Variants in UNC5D observed in about 807,000 individuals in gnomAD.
UNC5D encodes netrin receptor UNC5D.
In UNC5D, 39 loss-of-function variants were observed where a neutral mutation model predicts 105.4. The observed-to-expected ratio is 0.37, with a 90% CI of 0.29 to 0.48. The LOEUF (loss-of-function observed/expected upper bound fraction) is 0.48, where lower values mean the gene tolerates loss of function less well. UNC5D is among the 20% of genes least tolerant of loss of function. The pLI is 0.98. For synonymous variants in UNC5D, 452 were observed against 450.4 expected (o/e 1.00, Z -0.04); for missense variants, 991 against 1,202.4 (o/e 0.82, Z 2.60).
chr8:35,380,198 GGAGAGA>G lies in UNC5D; in HGVS notation c.103+144329_103+144334del, dbSNP rs35266582. Among the ~76,000 whole-genome samples, 527 of 135,236 alleles carry G rather than the reference GGAGAGA, an allele frequency of 3.9e-3. 6 individuals carry two copies. The highest frequency in any genetic ancestry group is 3.7e-3 in the Non-Finnish European group (232 of 62,014). 88.7% of individuals were successfully genotyped at this position (135,236 alleles called of 152,430 possible). A position where few individuals can be genotyped will look rare whatever the true frequency, so the allele number is the denominator to read the frequency against. On this transcript the variant is annotated intron_variant, in intron 1 of 16. Coordinates refer to ENST00000404895, the MANE Select transcript of UNC5D (RefSeq NM_080872.4). ...AAGACGGAGAGACAGAGACCGAGAG[GGAGAGA>G]GAGAGAGAGAGAGAGAGGGAGAGAG...
intron 12 of UNC5D, among the ~76,000 whole-genome samples, chr8:35,749,200 G>T (rs940322805): frequency 1.3e-5 from 2 of 152,136 alleles, no homozygotes; most frequent in African/African-American, 4.8e-5. Context: ...ATTATTATCA[G>T]TGTCTATTTC....
At chr8:35,736,476 C>T (rs909200116) in intron 11 of UNC5D, among the ~76,000 whole-genome samples, 2 of 152,148 alleles carry the variant, frequency 1.3e-5, no homozygotes, top group Non-Finnish European at 2.9e-5. Flanking sequence ...CTTCAAGGGA[C>T]CCTGCTACTA....
chr8:35,687,947 G>A (rs1006894641), intron 7 of UNC5D, among the ~76,000 whole-genome samples: 1 of 151,886 alleles, frequency 6.6e-6, no homozygotes, highest in Non-Finnish European at 1.5e-5. Flanking sequence ...TGGCTAAAAC[G>A]GTGAAACCCC....
intron 4 of UNC5D, among the ~76,000 whole-genome samples, chr8:35,610,073 C>T (rs1820571878): frequency 1.3e-5 from 2 of 151,882 alleles, no homozygotes; most frequent in South Asian, 2.1e-4. Context: ...TCTCGTGTAC[C>T]TACCAGGTAC....
chr8:35,718,399 AT>A (rs902299577), intron 8 of UNC5D, among the ~76,000 whole-genome samples: 3 of 152,200 alleles, frequency 2.0e-5, no homozygotes, highest in African/African-American at 7.2e-5. Flanking sequence ...GTATAAACGT[AT>A]GTGTAAATGT....
chr8:35,683,435 G>T, intron 4 of UNC5D, 112 bp from the exon 5 acceptor site: 2 of 1,069,756 alleles, frequency 1.9e-6, no homozygotes, highest in Non-Finnish European at 1.3e-6. Flanking sequence ...CATTGCTGTT[G>T]CTCTATATTT....
intron 1 of UNC5D, among the ~76,000 whole-genome samples, chr8:35,409,306 A>C (rs1324724493): frequency 6.6e-6 from 1 of 151,312 alleles, no homozygotes; most frequent in African/African-American, 2.4e-5. Context: ...AAATTTAGCA[A>C]CTCTCTCCCA....
intron 1 of UNC5D, among the ~76,000 whole-genome samples, chr8:35,443,211 A>C (rs1807554284): frequency 6.6e-6 from 1 of 151,790 alleles, no homozygotes; most frequent in Non-Finnish European, 1.5e-5. Flanking sequence ...ACCAAGAAGG[A>C]TATTCTGAGA....
chr8:35,795,939 C>G lies in UNC5D; in HGVS notation c.*5376C>G, dbSNP rs934400036. On this transcript the variant is annotated 3_prime_UTR_variant, in exon 17 of 17. Transcript: ENST00000404895. ...AAGGAAAACTGGCTCATTCTTCTGA[C>G]CCAAACTCAAAAAATATGAGTACTT... 6.6e-6 allele frequency: 1 copy of G among 152,098 alleles called. No individual in the cohort carries two copies. The highest frequency in any genetic ancestry group is 1.5e-5 in the Non-Finnish European group (1 of 68,026). The allele number at this position is 152,098 out of a possible 1,614,324, so 9.4% of individuals were successfully genotyped here. A position where few individuals can be genotyped will look rare whatever the true frequency, so the allele number is the denominator to read the frequency against.
chr8:35,622,943 G>A (rs759363522), intron 4 of UNC5D, among the ~76,000 whole-genome samples: 17 of 152,200 alleles, frequency 1.1e-4, no homozygotes, highest in Admixed American at 2.6e-4. Context: ...TGTAGCTACC[G>A]TTGAACTCAT....
chr8:35,267,223 G>A (rs940922684), intron 1 of UNC5D, among the ~76,000 whole-genome samples: 4 of 151,902 alleles, frequency 2.6e-5, no homozygotes, highest in Non-Finnish European at 5.9e-5. Context: ...TTTTTCCAGG[G>A]TAAGTTTAAT....
intron 1 of UNC5D, among the ~76,000 whole-genome samples, chr8:35,395,404 A>G (rs183198025): frequency 4.5e-4 from 68 of 152,374 alleles, no homozygotes; most frequent in African/African-American, 1.6e-3. Flanking sequence ...TAAAGAGAAC[A>G]CCATTTGAGC....
intron 7 of UNC5D, among the ~76,000 whole-genome samples, chr8:35,699,129 A>G (rs1269758733): frequency 6.6e-6 from 1 of 152,162 alleles, no homozygotes; most frequent in Non-Finnish European, 1.5e-5. Flanking sequence ...ACTAACACAC[A>G]TGGAATCAGT....
chr8:35,595,655 G>C lies in UNC5D; in HGVS notation c.568G>C (p.Glu190Gln). 6.2e-7 allele frequency: 1 copy of C among 1,613,930 alleles called. No homozygotes were observed. The highest frequency in any genetic ancestry group is 8.5e-7 in the Non-Finnish European group (1 of 1,179,904). Residue 190 changes from glutamate to glutamine, a missense_variant and splice_region_variant, in exon 4 of 17, where the codon GAG (glutamate) becomes CAG (glutamine). Coordinates refer to ENST00000404895, the MANE Select transcript of UNC5D (RefSeq NM_080872.4). ...CCCACCAGAGGGAGTCCCTGCTGCC[G>C]AGGTAAGACAGGATCCTGGGACCAG... ...CRPPEGVPAAEVEWLKNEEPI... is the reference protein window; with the variant it reads ...CRPPEGVPAAQVEWLKNEEPI...
chr8:35,253,473 C>CTGTTTTTTTTTT (rs1803850267), intron 1 of UNC5D, among the ~76,000 whole-genome samples: 1 of 99,824 alleles, frequency 1.0e-5, no homozygotes, highest in Non-Finnish European at 1.8e-5. Flanking sequence ...ATTTTATTTC[C>CTGTTTTTTTTTT]TTTTTTTTTT....
chr8:35,532,780 G>A (rs201363179), intron 1 of UNC5D, among the ~76,000 whole-genome samples: 16 of 96,520 alleles, frequency 1.7e-4, no homozygotes, highest in Admixed American at 4.7e-4. Flanking sequence ...TTCCCTTCTC[G>A]CTTCATTTCA....
chr8:35,723,878 CAATT>C (rs1281480175), intron 9 of UNC5D, among the ~76,000 whole-genome samples: 1 of 152,006 alleles, frequency 6.6e-6, no homozygotes, highest in Non-Finnish European at 1.5e-5. Context: ...AAACTGCTAT[CAATT>C]AGTCTGTTAT....
intron 13 of UNC5D, 34 bp downstream of exon 13, chr8:35,750,843 T>C (rs1830247671): frequency 6.2e-7 from 1 of 1,609,842 alleles, no homozygotes; most frequent in Non-Finnish European, 8.5e-7. Flanking sequence ...TCTTTTGGTG[T>C]CATGAAAGTG....
At chr8:35,352,481 G>A (rs1482182178) in intron 1 of UNC5D, among the ~76,000 whole-genome samples, 1 of 152,008 alleles carries the variant, frequency 6.6e-6, no homozygotes, top group East Asian at 1.9e-4. Context: ...GAGAAAAGAA[G>A]TTATTTCCCT....
Sources: gnomAD v4.1 joint callset for allele counts (sites outside exome capture counted in the v4.1 genomes callset) on GRCh38, gnomAD v4.1.1 for gene constraint, MANE v1.5 for transcripts, NCBI Gene and HGNC (gene_info 2026-07-23, HGNC 2026-07-21) for gene names.